The following TBC1D1 variants were observed in gnomAD, a reference collection of about 807,000 sequenced individuals.
TBC1D1 encodes TBC1 domain family member 1, also known as TBC1 (tre-2/USP6, BUB2, cdc16) domain family, member 1.
A neutral mutation model predicts 125.6 loss-of-function variants in TBC1D1; 89 were observed. That is an observed-to-expected ratio of 0.71 (90% CI 0.60 to 0.85). The LOEUF is 0.85. Among genes scored for constraint, TBC1D1 ranks in the 40% least tolerant of loss-of-function variants. TBC1D1 has a pLI of 0.00. For missense variants in TBC1D1, 1,377 were observed against 1,469.2 expected, an observed-to-expected ratio of 0.94 and a Z score of 1.03; for synonymous variants, 565 against 564.1, an observed-to-expected ratio of 1.00 and a Z score of -0.02.
At chr4:37,928,663 G>A (rs1214653491) in intron 2 of TBC1D1, among the ~76,000 whole-genome samples, 1 of 152,216 alleles carries the variant, frequency 6.6e-6, no homozygotes, top group Non-Finnish European at 1.5e-5. Flanking sequence ...ACAATAAACA[G>A]CCGACCCATG....
intron 2 of TBC1D1, among the ~76,000 whole-genome samples, chr4:37,967,398 G>A (rs1731272181): frequency 6.6e-6 from 1 of 152,002 alleles, no homozygotes; most frequent in Non-Finnish European, 1.5e-5. Flanking sequence ...GGGAGGCTGA[G>A]GCAGGAGAAT....
At chr4:38,006,351 G>A (rs1269094668) in intron 2 of TBC1D1, among the ~76,000 whole-genome samples, 5 of 152,012 alleles carry the variant, frequency 3.3e-5, no homozygotes, top group African/African-American at 7.3e-5. Flanking sequence ...ACAAGGAGAT[G>A]ATAACCTCCA....
chr4:38,044,025 AG>A (rs1249637918), intron 8 of TBC1D1, among the ~76,000 whole-genome samples: 1 of 152,244 alleles, frequency 6.6e-6, no homozygotes, highest in African/African-American at 2.4e-5. Context: ...TTTACTGAAG[AG>A]GAAGTTTGAG....
intron 2 of TBC1D1, chr4:37,961,231 T>C: frequency 1.5e-6 from 1 of 682,266 alleles, no homozygotes; most frequent in Non-Finnish European, 2.4e-6. Flanking sequence ...TCAACATGAT[T>C]TACTTCTGTA....
At chr4:38,090,913 T>C (rs1758315775) in intron 13 of TBC1D1, among the ~76,000 whole-genome samples, 1 of 152,260 alleles carries the variant, frequency 6.6e-6, no homozygotes, top group Middle Eastern at 3.2e-3. Flanking sequence ...AGCATCATTC[T>C]TGATTGCAAA....
intron 2 of TBC1D1, among the ~76,000 whole-genome samples, chr4:37,993,674 C>T (rs750733856): frequency 5.9e-5 from 9 of 152,252 alleles, no homozygotes; most frequent in East Asian, 1.9e-4. Flanking sequence ...CTCCGCCTCC[C>T]GGGTTCAAGC....
At position 37,993,409 on chromosome 4, in the gene TBC1D1, A is replaced by T. The variant is rs147294162; in HGVS notation, c.418-21100A>T. On this transcript the variant is annotated intron_variant, in intron 2 of 19. Coordinates refer to ENST00000261439, the MANE Select transcript of TBC1D1 (RefSeq NM_015173.4). Reference sequence around the variant, plus strand: ...TTCCTCTTGTAACTAAATCAAGATGAAGCCTTGCTTTTGAAAATGTCATTA... The same window carrying T: ...TTCCTCTTGTAACTAAATCAAGATGTAGCCTTGCTTTTGAAAATGTCATTA... Among the ~76,000 whole-genome samples, 161 of 152,252 alleles carry T rather than the reference A, an allele frequency of 1.1e-3. 2 individuals are homozygous for T. The highest frequency in any genetic ancestry group is 9.3e-3 in the Admixed American group (143 of 15,296).
At chr4:38,072,916 G>C (rs545542292) in intron 12 of TBC1D1, among the ~76,000 whole-genome samples, 4 of 152,052 alleles carry the variant, frequency 2.6e-5, no homozygotes, top group Non-Finnish European at 1.5e-5. Context: ...TGTCCTCAAG[G>C]TTCATTCACG....
Position 38,090,072 on chromosome 4 carries a change from C to A in TBC1D1, c.2191C>A (p.Gln731Lys), listed in dbSNP as rs1176810497. 1 of 1,613,986 alleles carries A rather than the reference C, an allele frequency of 6.2e-7. No homozygotes were observed. The highest frequency in any genetic ancestry group is 8.5e-7 in the Non-Finnish European group (1 of 1,179,956). ...GCTGTGGCAAAAGGCTATTCTTCAA[C>A]AGATACTGCTGCTTAGAATGGAGAA... is the stretch of plus-strand genomic sequence containing the variant. Residue 731 changes from glutamine (Q) to lysine (K), a missense_variant, in exon 13 of 20, where the codon CAG (glutamine) becomes AAG (lysine). Gln to Lys is a moderately conservative substitution (Grantham distance 53, BLOSUM62 1). Coordinates refer to ENST00000261439, the MANE Select transcript of TBC1D1 (RefSeq NM_015173.4).
intron 7 of TBC1D1, among the ~76,000 whole-genome samples, chr4:38,030,051 T>G (rs529182035): frequency 1.3e-5 from 2 of 152,342 alleles, no homozygotes; most frequent in East Asian, 3.9e-4. Context: ...GTCCTGTCAC[T>G]TTAAGAAACC....
chr4:38,089,810 T>G, intron 12 of TBC1D1, 122 bp from the exon 15 acceptor site: 2 of 1,080,284 alleles, frequency 1.9e-6, no homozygotes, highest in Non-Finnish European at 2.6e-6. Context: ...CACAGGAATT[T>G]TAAATTTGGT....
At chr4:38,013,385 G>A (rs920748121) in intron 2 of TBC1D1, among the ~76,000 whole-genome samples, 10 of 151,950 alleles carry the variant, frequency 6.6e-5, no homozygotes, top group African/African-American at 2.2e-4. Context: ...GAATTGGAAG[G>A]GGGATTTTTA....
intron 2 of TBC1D1, among the ~76,000 whole-genome samples, chr4:38,004,503 T>A (rs946002928): frequency 1.3e-5 from 2 of 152,326 alleles, no homozygotes; most frequent in African/African-American, 2.4e-5. Context: ...GCCTTTTTTT[T>A]AAACAAAAAA....
intron 11 of TBC1D1, 129 bp downstream of exon 12, chr4:38,052,189 G>GTA: frequency 1.3e-6 from 1 of 775,254 alleles, no homozygotes; most frequent in Non-Finnish European, 2.0e-6. Flanking sequence ...GTGTGTGTGT[G>GTA]TGTGTGCGCG....
Position 38,020,601 on chromosome 4 carries a change from A to G in TBC1D1, c.983A>G (p.His328Arg). The G allele has an allele frequency of 1.9e-6, 3 of 1,612,856 alleles. No individual in the cohort carries two copies. Among genetic ancestry groups the G allele is most frequent in the Non-Finnish European group, 2.5e-6 (3 of 1,179,176 alleles). The change falls in exon 5 of 20, where the codon CAC (histidine) becomes CGC (arginine). Residue 328 changes from histidine to arginine, a missense_variant. By Grantham distance (29) the His-to-Arg change is conservative. This residue lies in a region of TBC1D1 where 822 missense variants were observed against 824.6 expected (regional missense o/e 1.00). Coordinates refer to ENST00000261439, the MANE Select transcript of TBC1D1 (RefSeq NM_015173.4). ...CTCTCCCTTTGGCAGGGCATCAGACACGTGGACCACTTTGGGTTTATCTGT... is the reference window on the plus strand; with the variant it reads ...CTCTCCCTTTGGCAGGGCATCAGACGCGTGGACCACTTTGGGTTTATCTGT...
At chr4:38,012,124 C>A (rs148084403) in intron 2 of TBC1D1, among the ~76,000 whole-genome samples, 1 of 152,174 alleles carries the variant, frequency 6.6e-6, no homozygotes. Flanking sequence ...GGAAGACTCA[C>A]GTGACTTGAT....
intron 2 of TBC1D1, among the ~76,000 whole-genome samples, chr4:37,981,388 T>A (rs1189805206): frequency 1.3e-5 from 2 of 152,216 alleles, no homozygotes; most frequent in African/African-American, 4.8e-5. Context: ...ATGTGTTCAG[T>A]GCAGATATTT....
At chr4:38,095,258 G>T (rs929936524) in intron 13 of TBC1D1, among the ~76,000 whole-genome samples, 1 of 152,198 alleles carries the variant, frequency 6.6e-6, no homozygotes, top group Non-Finnish European at 1.5e-5. Context: ...GAAATAAGAG[G>T]TTGGGTCCAG....
chr4:38,125,880 G>A (rs758765751), intron 18 of TBC1D1, among the ~76,000 whole-genome samples: 11 of 152,224 alleles, frequency 7.2e-5, no homozygotes, highest in Admixed American at 6.5e-5. Flanking sequence ...AGTGTCTAGA[G>A]GCTGGGTAGC....
Sources: gnomAD v4.1 joint callset for allele counts (sites outside exome capture counted in the v4.1 genomes callset) on GRCh38, gnomAD v4.1.1 for gene constraint, gnomAD v4.1.1 regional missense constraint, MANE v1.5 for transcripts, NCBI Gene and HGNC (gene_info 2026-07-23, HGNC 2026-07-21) for gene names.